ANXA3: variants seen among roughly 807,000 people sequenced by gnomAD.
ANXA3 encodes the protein 35-alpha calcimedin.
ANXA3 carries 46 observed loss-of-function variants against 48.8 expected under a neutral mutation model. The ratio of observed to expected loss-of-function variants is 0.94; its 90% CI spans 0.74 to 1.21. ANXA3 has a LOEUF of 1.21. Among genes scored for constraint, ANXA3 ranks in the 50% most tolerant of loss-of-function variants. The pLI is 0.00. For synonymous variants in ANXA3, 128 were observed against 134.7 expected, an observed-to-expected ratio of 0.95 and a Z score of 0.35; for missense variants, 383 against 378.6, an observed-to-expected ratio of 1.01 and a Z score of -0.10.
At chr4:78,568,458 C>T (rs528028037) in intron 2 of ANXA3, among the ~76,000 whole-genome samples, 7 of 152,258 alleles carry the variant, frequency 4.6e-5, no homozygotes, top group African/African-American at 1.7e-4. Flanking sequence ...TGATTTGATG[C>T]CTCAATTTTT....
At chr4:78,565,730 G>C (rs532332936) in intron 2 of ANXA3, among the ~76,000 whole-genome samples, 2 of 152,056 alleles carry the variant, frequency 1.3e-5, no homozygotes, top group Non-Finnish European at 2.9e-5. Flanking sequence ...ATAAAATCAC[G>C]GTATTAATTG....
chr4:78,558,785 T>C (rs1168509427), intron 2 of ANXA3, among the ~76,000 whole-genome samples: 1 of 152,206 alleles, frequency 6.6e-6, no homozygotes, highest in East Asian at 1.9e-4. Flanking sequence ...TCTTATTGGT[T>C]TGTACTCCTT....
chr4:78,581,914 T>G (rs1007510674), intron 4 of ANXA3, among the ~76,000 whole-genome samples: 3 of 152,220 alleles, frequency 2.0e-5, no homozygotes, highest in African/African-American at 7.2e-5. Context: ...GGAAATGCAT[T>G]TGAATACAGT....
intron 12 of ANXA3, among the ~76,000 whole-genome samples, 198 bp downstream of exon 12, chr4:78,604,597 G>C (rs1723610412): frequency 6.6e-6 from 1 of 152,100 alleles, no homozygotes; most frequent in Non-Finnish European, 1.5e-5. Context: ...GCATATAATA[G>C]ACACTCAATA....
chr4:78,577,489 G>A (rs1020600439), intron 3 of ANXA3, among the ~76,000 whole-genome samples: 3 of 152,206 alleles, frequency 2.0e-5, no homozygotes, highest in Non-Finnish European at 2.9e-5. Flanking sequence ...ACAATACACA[G>A]CACCAAATTG....
chr4:78,575,443 C>T (rs1845897), intron 3 of ANXA3, among the ~76,000 whole-genome samples: 5,774 of 152,126 alleles, frequency 0.038, 370 homozygotes, highest in African/African-American at 0.13. Context: ...AGGTCTTTCC[C>T]GTGCTGTTCT....
At position 78,604,381 on chromosome 4, in the gene ANXA3, C is replaced by A; in HGVS notation, c.894C>A (p.Ser298=). 1 of 1,611,344 alleles carries A rather than the reference C, an allele frequency of 6.2e-7. No homozygotes were observed. Among genetic ancestry groups the A allele is most frequent in the Non-Finnish European group, 8.5e-7 (1 of 1,178,552 alleles). ...AGTTCAAGAAGCATTATGGCTATTC[C>A]CTATATTCAGCAATTAAAGTAAGTC... The part of the protein sequence containing the change: ...RTEFKKHYGY[S]LYSAIKSDTS... Residue 298 remains serine (S), a synonymous_variant, in exon 12 of 13, where the codon TCC becomes TCA. Transcript: ENST00000264908.
intron 7 of ANXA3, among the ~76,000 whole-genome samples, chr4:78,593,521 T>A (rs539439321): frequency 1.2e-3 from 182 of 151,470 alleles, no homozygotes; most frequent in Non-Finnish European, 2.4e-3. Flanking sequence ...TTTTTTTTTT[T>A]AAATAAACTT....
intron 2 of ANXA3, among the ~76,000 whole-genome samples, 164 bp downstream of exon 2, chr4:78,554,652 A>T (rs994726415): frequency 2.0e-5 from 3 of 152,370 alleles, no homozygotes; most frequent in Admixed American, 6.5e-5. Flanking sequence ...AAATATTTTT[A>T]AAAATGCATT....
At chr4:78,604,166 C>A in intron 11 of ANXA3, 111 bp from the exon 12 acceptor site, 11 of 955,862 alleles carry the variant, frequency 1.2e-5, no homozygotes, top group Non-Finnish European at 1.6e-5. Context: ...GAAAAAGAAT[C>A]ACTATAGTTG....
chr4:78,609,869 G>A (rs1301343161), intron 12 of ANXA3, among the ~76,000 whole-genome samples, 187 bp from the exon 13 acceptor site: 11 of 152,152 alleles, frequency 7.2e-5, no homozygotes, highest in Non-Finnish European at 1.6e-4. Flanking sequence ...CAGTGAAGAA[G>A]ATGCTGGTCA....
intron 3 of ANXA3, among the ~76,000 whole-genome samples, chr4:78,576,330 A>G (rs192243608): frequency 1.3e-5 from 2 of 152,006 alleles, no homozygotes; most frequent in Non-Finnish European, 2.9e-5. Flanking sequence ...TTAAGAGAGA[A>G]GGGCTTGCTC....
rs774834835 is a variant in ANXA3, at chr4:78,610,084, C to A, written c.941C>A (p.Thr314Lys). 2 of 1,611,044 alleles carry A rather than the reference C, an allele frequency of 1.2e-6. No individual in the cohort carries two copies. The highest frequency in any genetic ancestry group is 2.7e-5 in the African/African-American group (2 of 74,812). Residue 314 changes from threonine (T) to lysine (K), a missense_variant, in exon 13 of 13, where the codon ACA (threonine) becomes AAA (lysine). Thr to Lys is a moderately conservative substitution (Grantham distance 78). Transcript: ENST00000264908. ...KSDTSGDYEI[T>K]LLKICGGDD ...GATACTTCTGGAGACTATGAAATCA[C>A]ACTCTTAAAAATCTGTGGTGGAGAT...
chr4:78,596,658 A>T (rs1441882048), intron 9 of ANXA3, among the ~76,000 whole-genome samples: 3 of 152,224 alleles, frequency 2.0e-5, no homozygotes, highest in Non-Finnish European at 4.4e-5. Context: ...TAATGACAAC[A>T]GTATGTGATA....
chr4:78,574,356 G>T (rs146816065), intron 3 of ANXA3, among the ~76,000 whole-genome samples: 1 of 152,160 alleles, frequency 6.6e-6, no homozygotes, highest in Non-Finnish European at 1.5e-5. Context: ...GGAGGTTGAG[G>T]CTGCCCTGAG....
intron 4 of ANXA3, among the ~76,000 whole-genome samples, chr4:78,579,947 A>C (rs531443643): frequency 6.6e-6 from 1 of 152,304 alleles, no homozygotes; most frequent in Admixed American, 6.5e-5. Context: ...AAAAAGGAAA[A>C]AGTAAAAGTA....
intron 7 of ANXA3, among the ~76,000 whole-genome samples, chr4:78,593,498 C>T (rs1014646499): frequency 2.4e-4 from 37 of 151,304 alleles, no homozygotes; most frequent in East Asian, 9.7e-4. Context: ...CACTGCGCCC[C>T]GCCTTTGAGT....
chr4:78,599,621 G>A (rs1389067966), intron 10 of ANXA3, among the ~76,000 whole-genome samples: 1 of 152,158 alleles, frequency 6.6e-6, no homozygotes, highest in African/African-American at 2.4e-5. Context: ...TGAGGCAGGA[G>A]GATCCCTTTA....
intron 12 of ANXA3, among the ~76,000 whole-genome samples, chr4:78,605,057 T>C (rs1339230951): frequency 6.6e-6 from 1 of 152,220 alleles, no homozygotes; most frequent in Non-Finnish European, 1.5e-5. Flanking sequence ...CATTTTGCAA[T>C]TCCATGAGGA....
Sources: allele counts gnomAD v4.1 joint callset (sites outside exome capture counted in the v4.1 genomes callset), GRCh38; gene constraint gnomAD v4.1.1; transcripts MANE v1.5; gene names NCBI Gene and HGNC (gene_info 2026-07-23, HGNC 2026-07-21).